The following GPC6 variants were observed in gnomAD, a reference collection of about 807,000 sequenced individuals.
GPC6 encodes the protein glypican-6.
GPC6 carries 14 observed loss-of-function variants against 55.2 expected under a neutral mutation model. The ratio of observed to expected loss-of-function variants is 0.25; its 90% confidence interval spans 0.17 to 0.40. GPC6 has a LOEUF of 0.40. GPC6 is among the 10% of genes least tolerant of loss of function. The pLI is 1.00. For missense variants in GPC6, 641 were observed against 708.5 expected, an observed-to-expected ratio of 0.90 and a Z score of 1.08; for synonymous variants, 278 against 259.6, an observed-to-expected ratio of 1.07 and a Z score of -0.68.
intron 3 of GPC6, among the ~76,000 whole-genome samples, chr13:94,026,970 G>A (rs929204070): frequency 6.6e-6 from 1 of 152,184 alleles, no homozygotes; most frequent in African/African-American, 2.4e-5. Flanking sequence ...TTTGGGTGGG[G>A]ACCATATCCT....
chr13:93,405,564 T>A (rs1288205044), intron 1 of GPC6, among the ~76,000 whole-genome samples: 1 of 152,182 alleles, frequency 6.6e-6, no homozygotes, highest in African/African-American at 2.4e-5. Flanking sequence ...TGGGGTGCAT[T>A]TCCTTGAATG....
intron 2 of GPC6, among the ~76,000 whole-genome samples, chr13:93,675,267 A>G (rs1881542657): frequency 6.6e-6 from 1 of 151,912 alleles, no homozygotes; most frequent in Non-Finnish European, 1.5e-5. Context: ...TATGATGATG[A>G]TGTTTGGATT....
intron 4 of GPC6, among the ~76,000 whole-genome samples, chr13:94,128,096 C>G (rs188512263): frequency 1.3e-5 from 2 of 152,224 alleles, no homozygotes; most frequent in East Asian, 3.9e-4. Context: ...ACTTAATTCT[C>G]AAATATTAGA....
At chr13:94,005,353 G>A (rs1037182788) in intron 3 of GPC6, among the ~76,000 whole-genome samples, 1 of 152,152 alleles carries the variant, frequency 6.6e-6, no homozygotes, top group Non-Finnish European at 1.5e-5. Flanking sequence ...CTTGTAGAGA[G>A]TTCTGCAATG....
chr13:93,312,338 G>T (rs940444859), intron 1 of GPC6, among the ~76,000 whole-genome samples: 1 of 152,054 alleles, frequency 6.6e-6, no homozygotes, highest in African/African-American at 2.4e-5. Context: ...GCATTAAAGG[G>T]CCTTATTCCC....
intron 1 of GPC6, among the ~76,000 whole-genome samples, chr13:93,470,164 A>AT (rs71643708): frequency 2.6e-5 from 4 of 151,414 alleles, no homozygotes; most frequent in Admixed American, 6.6e-5. Context: ...TCCCATAGAG[A>AT]TTTTTTTTTC....
chr13:94,181,741 G>A (rs942100223), intron 4 of GPC6, among the ~76,000 whole-genome samples: 1 of 152,126 alleles, frequency 6.6e-6, no homozygotes, highest in Non-Finnish European at 1.5e-5. Flanking sequence ...ATACAACTTA[G>A]GGTGCCTCAT....
intron 2 of GPC6, among the ~76,000 whole-genome samples, chr13:93,670,208 A>T (rs911421630): frequency 1.3e-5 from 2 of 152,168 alleles, no homozygotes; most frequent in Admixed American, 1.3e-4. Flanking sequence ...AGTGACACCC[A>T]GTAGAGCCAC....
At chr13:94,149,615 A>G (rs1887669076) in intron 4 of GPC6, among the ~76,000 whole-genome samples, 1 of 152,072 alleles carries the variant, frequency 6.6e-6, no homozygotes, top group Non-Finnish European at 1.5e-5. Flanking sequence ...CATATTTGGA[A>G]TCGTGATGTT....
At chr13:93,976,805 T>G (rs776729668) in intron 3 of GPC6, among the ~76,000 whole-genome samples, 1 of 151,834 alleles carries the variant, frequency 6.6e-6, no homozygotes, top group South Asian at 2.1e-4. Context: ...AGGCTTTTGC[T>G]TGCCCCAAGA....
chr13:93,719,024 C>G (rs769102115), intron 2 of GPC6, among the ~76,000 whole-genome samples: 1 of 152,008 alleles, frequency 6.6e-6, no homozygotes. Context: ...CATGATGCCT[C>G]CAGCTCTGTT....
intron 4 of GPC6, among the ~76,000 whole-genome samples, chr13:94,046,719 G>A (rs1241642629): frequency 2.0e-5 from 3 of 151,780 alleles, no homozygotes; most frequent in Non-Finnish European, 4.4e-5. Context: ...TTGTTTTCCT[G>A]CGTTTGTGTG....
At chr13:94,193,405 AG>A (rs1386503078) in intron 4 of GPC6, among the ~76,000 whole-genome samples, 3 of 151,984 alleles carry the variant, frequency 2.0e-5, no homozygotes, top group Non-Finnish European at 4.4e-5. Context: ...GTGGAGTGGG[AG>A]GGGGCCGCCA....
At chr13:94,083,350 C>A (rs904781424) in intron 4 of GPC6, among the ~76,000 whole-genome samples, 1 of 152,170 alleles carries the variant, frequency 6.6e-6, no homozygotes, top group Non-Finnish European at 1.5e-5. Flanking sequence ...GATCTCCTGA[C>A]CTTGTGATGC....
At chr13:93,829,315 C>T (rs1163054408) in intron 2 of GPC6, among the ~76,000 whole-genome samples, 2 of 152,106 alleles carry the variant, frequency 1.3e-5, no homozygotes, top group African/African-American at 4.8e-5. Context: ...AGCATGAGGG[C>T]CAGTGAGGCT....
intron 2 of GPC6, among the ~76,000 whole-genome samples, chr13:93,650,773 T>G (rs1880375894): frequency 6.6e-6 from 1 of 152,218 alleles, no homozygotes; most frequent in Non-Finnish European, 1.5e-5. Context: ...TATTTTAAGT[T>G]CAGTCCAAAT....
chr13:93,327,656 G>A (rs1352367271), intron 1 of GPC6, among the ~76,000 whole-genome samples: 1 of 152,090 alleles, frequency 6.6e-6, no homozygotes, highest in Non-Finnish European at 1.5e-5. Flanking sequence ...TGGAATACAA[G>A]CACAGGCAAA....
intron 2 of GPC6, among the ~76,000 whole-genome samples, chr13:93,804,650 G>A (rs1353719388): frequency 6.6e-6 from 1 of 152,064 alleles, no homozygotes; most frequent in Non-Finnish European, 1.5e-5. Context: ...ATCAATAACA[G>A]AGCCTGCCTC....
intron 5 of GPC6, among the ~76,000 whole-genome samples, chr13:94,290,110 A>T (rs551121083): frequency 2.9e-4 from 44 of 152,310 alleles, no homozygotes; most frequent in Admixed American, 7.2e-4. Context: ...ATATTTAATG[A>T]AGTAATAAAA....
Sources: gnomAD v4.1 joint callset for allele counts (sites outside exome capture counted in the v4.1 genomes callset) on GRCh38, gnomAD v4.1.1 for gene constraint, MANE v1.5 for transcripts, NCBI Gene and HGNC (gene_info 2026-07-23, HGNC 2026-07-21) for gene names.